LUZP2: variants seen among roughly 807,000 people sequenced by gnomAD.
LUZP2 encodes the protein leucine zipper protein 2.
In LUZP2, 52 loss-of-function variants were observed where a neutral mutation model predicts 51.6. The ratio of observed to expected loss-of-function variants is 1.01; its 90% CI spans 0.81 to 1.27. LUZP2 has a LOEUF of 1.27. Among genes scored for constraint, LUZP2 ranks in the 50% most tolerant of loss-of-function variants. The pLI, the probability that LUZP2 is intolerant of heterozygous loss-of-function variation, is 0.00. For missense variants in LUZP2, 436 were observed against 395.4 expected, an observed-to-expected ratio of 1.10 and a Z score of -0.87; for synonymous variants, 154 against 137.3, an observed-to-expected ratio of 1.12 and a Z score of -0.85.
rs151241724 is a variant in LUZP2 at position 25,021,098 on chromosome 11, C to A, written c.766-28940C>A. On this transcript the variant is annotated intron_variant, in intron 9 of 11. Coordinates refer to ENST00000336930, the MANE Select transcript of LUZP2 (RefSeq NM_001009909.4). ...TCTTAGTTGGGGCTTATATAACTTGCAGCTAAATAGTTTCTAACTGTTAAA... is the reference window on the plus strand; with the variant it reads ...TCTTAGTTGGGGCTTATATAACTTGAAGCTAAATAGTTTCTAACTGTTAAA... 2.8e-4 allele frequency among the ~76,000 whole-genome samples: 43 copies of A among 152,074 alleles called. 1 individual carries two copies. The highest frequency in any genetic ancestry group is 9.9e-4 in the African/African-American group (41 of 41,488).
At chr11:24,963,804 T>G (rs1855496346) in intron 7 of LUZP2, among the ~76,000 whole-genome samples, 1 of 152,106 alleles carries the variant, frequency 6.6e-6, no homozygotes. Context: ...CACTCCCTAG[T>G]GAGATGAACC....
At chr11:24,845,205 A>C (rs1408096826) in intron 5 of LUZP2, among the ~76,000 whole-genome samples, 2 of 152,170 alleles carry the variant, frequency 1.3e-5, no homozygotes, top group Non-Finnish European at 2.9e-5. Context: ...GACCATGGGA[A>C]CCCATCCCTT....
At chr11:25,064,753 C>G (rs1403916507) in intron 10 of LUZP2, among the ~76,000 whole-genome samples, 1 of 151,986 alleles carries the variant, frequency 6.6e-6, no homozygotes, top group African/African-American at 2.4e-5. Context: ...TTTTCCCAAT[C>G]TGCTCTCTCT....
intron 9 of LUZP2, among the ~76,000 whole-genome samples, chr11:25,015,427 A>T (rs796748209): frequency 2.0e-5 from 3 of 152,254 alleles, no homozygotes; most frequent in African/African-American, 7.2e-5. Context: ...TCTTACTAAT[A>T]TCCTTTTCCT....
intron 5 of LUZP2, among the ~76,000 whole-genome samples, chr11:24,787,017 T>C (rs1849267348): frequency 6.6e-6 from 1 of 152,052 alleles, no homozygotes; most frequent in Admixed American, 6.6e-5. Flanking sequence ...GAGGAATGAG[T>C]GTTTGAGTTA....
intron 7 of LUZP2, among the ~76,000 whole-genome samples, chr11:24,920,304 T>G (rs534042697): frequency 6.6e-6 from 1 of 152,140 alleles, no homozygotes; most frequent in South Asian, 2.1e-4. Context: ...AATTACTGCT[T>G]CAGGGAATTG....
intron 5 of LUZP2, among the ~76,000 whole-genome samples, chr11:24,852,147 GC>G (rs938255720): frequency 2.0e-5 from 3 of 151,856 alleles, no homozygotes; most frequent in African/African-American, 7.3e-5. Flanking sequence ...TCTTCTGCTA[GC>G]TTTTGAGTTT....
intron 4 of LUZP2, among the ~76,000 whole-genome samples, chr11:24,745,289 G>A (rs1859337361): frequency 1.3e-5 from 2 of 152,014 alleles, no homozygotes; most frequent in South Asian, 4.1e-4. Context: ...GACCTTTCTA[G>A]TACTGTCAGT....
intron 7 of LUZP2, among the ~76,000 whole-genome samples, chr11:24,936,080 TAA>T (rs1185825925): frequency 1.3e-5 from 2 of 152,064 alleles, no homozygotes; most frequent in African/African-American, 4.8e-5. Context: ...GTTAACCTAA[TAA>T]AAGAGAAGAA....
At chr11:24,888,526 T>C (rs1262175720) in intron 5 of LUZP2, among the ~76,000 whole-genome samples, 3 of 152,154 alleles carry the variant, frequency 2.0e-5, no homozygotes, top group African/African-American at 4.8e-5. Flanking sequence ...TATTTTGTCA[T>C]CCTCTGACTT....
intron 1 of LUZP2, among the ~76,000 whole-genome samples, chr11:24,558,673 T>A (rs1851943994): frequency 6.6e-6 from 1 of 152,198 alleles, no homozygotes; most frequent in Non-Finnish European, 1.5e-5. Context: ...CTTTAGGAAG[T>A]GATTAAGTCA....
At chr11:24,580,025 G>A (rs1020398517) in intron 1 of LUZP2, among the ~76,000 whole-genome samples, 1 of 152,074 alleles carries the variant, frequency 6.6e-6, no homozygotes, top group South Asian at 2.1e-4. Flanking sequence ...TTAGTAAAAT[G>A]AATTGGTTAA....
intron 5 of LUZP2, chr11:24,831,769 C>A (rs1356168435): frequency 1.3e-5 from 2 of 152,498 alleles, no homozygotes; most frequent in Non-Finnish European, 2.9e-5. Context: ...AAGAGAAAAT[C>A]TTTAAAAACT....
chr11:24,549,169 T>A (rs551046878), intron 1 of LUZP2, among the ~76,000 whole-genome samples: 1 of 152,194 alleles, frequency 6.6e-6, no homozygotes, highest in African/African-American at 2.4e-5. Context: ...ATCCCTTATT[T>A]TATAACCTTT....
chr11:24,724,060 C>A (rs1458246948), intron 1 of LUZP2, among the ~76,000 whole-genome samples: 1 of 151,926 alleles, frequency 6.6e-6, no homozygotes, highest in Admixed American at 6.6e-5. Context: ...GAATGGGTGC[C>A]GTCAAAGAAA....
At chr11:24,518,357 T>C (rs138064220) in intron 1 of LUZP2, among the ~76,000 whole-genome samples, 49 of 152,268 alleles carry the variant, frequency 3.2e-4, no homozygotes, top group African/African-American at 1.1e-3. Context: ...AGATCTTTGA[T>C]TATTTTTTTT....
At position 24,992,885 on chromosome 11, in the gene LUZP2, A is replaced by C. The variant is rs115588501; in HGVS notation, c.765+9592A>C. Reference sequence around the variant, plus strand: ...ATTTAATTTAAGTATACATAATGCCAGTTCACAATTCTGGAGCTTCTTGTT... The same window carrying C: ...ATTTAATTTAAGTATACATAATGCCCGTTCACAATTCTGGAGCTTCTTGTT... On this transcript the variant is annotated intron_variant, in intron 9 of 11. Transcript: ENST00000336930. 7.4e-3 allele frequency among the ~76,000 whole-genome samples: 1,132 copies of C among 152,256 alleles called. 11 individuals carry two copies. The highest frequency in any genetic ancestry group is 0.026 in the African/African-American group (1,071 of 41,564).
intron 9 of LUZP2, among the ~76,000 whole-genome samples, chr11:25,044,891 A>G (rs549957812): frequency 1.1e-4 from 16 of 152,098 alleles, no homozygotes; most frequent in African/African-American, 3.9e-4. Flanking sequence ...GAAAAATGAT[A>G]AGATCATGTC....
chr11:24,536,040 G>T (rs918717955), intron 1 of LUZP2, among the ~76,000 whole-genome samples: 1 of 151,686 alleles, frequency 6.6e-6, no homozygotes, highest in Non-Finnish European at 1.5e-5. Flanking sequence ...GGGTGACCAG[G>T]CAGTAATATT....
Sources: allele counts gnomAD v4.1 joint callset (sites outside exome capture counted in the v4.1 genomes callset), GRCh38; gene constraint gnomAD v4.1.1; transcripts MANE v1.5; gene names NCBI Gene and HGNC (gene_info 2026-07-23, HGNC 2026-07-21).